Variants in PTGS2 observed in about 807,000 individuals in gnomAD.
The protein encoded by PTGS2 is prostaglandin-endoperoxide synthase 2.
In PTGS2, 14 loss-of-function variants were observed where a neutral mutation model predicts 63.8. That is an observed-to-expected ratio of 0.22 (90% CI 0.14 to 0.34). PTGS2 has a LOEUF of 0.34. PTGS2 is among the 10% of genes least tolerant of loss of function. PTGS2 has a pLI of 1.00. For missense variants in PTGS2, 533 were observed against 738.5 expected, an observed-to-expected ratio of 0.72 and a Z score of 3.23; for synonymous variants, 271 against 259.5, an observed-to-expected ratio of 1.04 and a Z score of -0.43.
intron 3 of PTGS2, 40 bp downstream of exon 3, chr1:186,679,018 T>G: frequency 6.3e-7 from 1 of 1,585,616 alleles, no homozygotes. Context: ...ATATTTTTCT[T>G]TGAGAAGGCT....
At position 186,677,850 on chromosome 1, in the gene PTGS2, A is replaced by G. The variant is rs200719669; in HGVS notation, c.458-20T>C. 2 of 1,611,022 alleles carry G rather than the reference A, an allele frequency of 1.2e-6. No homozygotes were observed. Among genetic ancestry groups the G allele is most frequent in the Non-Finnish European group, 8.5e-7 (1 of 1,178,508 alleles). On this transcript the variant is annotated intron_variant, in intron 4 of 9. Transcript: ENST00000367468. Reference sequence around the variant, plus strand: ...TTTTACCTGAAAAATGAGAAAGCTAAGGTAAGAATCCATCTATGTATTCAA... The same window carrying G: ...TTTTACCTGAAAAATGAGAAAGCTAGGGTAAGAATCCATCTATGTATTCAA...
At chr1:186,674,814 A>G in intron 9 of PTGS2, 52 bp from the exon 10 acceptor site, 1 of 1,515,960 alleles carries the variant, frequency 6.6e-7, no homozygotes, top group Non-Finnish European at 8.9e-7. Context: ...TTCACAAAAT[A>G]AAAAACAGTT....
intron 6 of PTGS2, 41 bp downstream of exon 6, chr1:186,676,792 A>G: frequency 6.2e-7 from 1 of 1,601,966 alleles, no homozygotes; most frequent in South Asian, 1.1e-5. Context: ...ATATGGGTAT[A>G]AGCGGTAATA....
chr1:186,678,153 A>T, intron 4 of PTGS2, 108 bp downstream of exon 4: 1 of 1,198,854 alleles, frequency 8.3e-7, no homozygotes, highest in South Asian at 2.0e-5. Flanking sequence ...AAAAGTAAAA[A>T]CTGCTTTTGT....
At chr1:186,678,963 A>G in intron 3 of PTGS2, 95 bp downstream of exon 3, 1 of 1,415,472 alleles carries the variant, frequency 7.1e-7, no homozygotes, top group Non-Finnish European at 9.5e-7. Flanking sequence ...CTTTTTGATA[A>G]GCTTGGAAAT....
At chr1:186,676,791 T>G in intron 6 of PTGS2, 42 bp downstream of exon 6, 2 of 1,601,510 alleles carry the variant, frequency 1.2e-6, no homozygotes, top group Non-Finnish European at 1.7e-6. Context: ...AATATGGGTA[T>G]AAGCGGTAAT....
At position 186,676,833 on chromosome 1, in the gene PTGS2, C is replaced by A; in HGVS notation, c.723G>T (p.Gln241His). The stretch of plus-strand genomic sequence containing the variant: ...GTCTTAATAGTCAAAGGAAGCATAC[C>A]TGATATTTCATTTTTCCATCCTTGA... ...RLFKDGKMKY[Q>H]IIDGEMYPPT... The change falls in exon 6 of 10, where the codon CAG becomes CAT. Residue 241 changes from glutamine (Q) to histidine (H), a missense_variant and splice_region_variant. By Grantham distance (24) the Gln-to-His change is conservative. Around this residue, in one of 5 missense-constraint regions of PTGS2, gnomAD observed 118 missense variants for 138.7 expected, o/e 0.85. Transcript: ENST00000367468. The A allele has an allele frequency of 6.2e-7, 1 of 1,609,214 alleles. No individual in the cohort carries two copies. The highest frequency in any genetic ancestry group is 8.5e-7 in the Non-Finnish European group (1 of 1,178,186).
chr1:186,676,874 G>A lies in PTGS2; in HGVS notation c.682C>T (p.Arg228Cys), dbSNP rs761122494. The stretch of plus-strand genomic sequence containing the variant: ...CCATCCTTGAAAAGGCGCAGTTTAC[G>A]CTGTCTAGCCAGAGTTTCACCGTAA... ...HIYGETLARQ[R>C]KLRLFKDGKM... The change falls in exon 6 of 10, where the codon CGT becomes TGT. Residue 228 changes from arginine to cysteine, a missense_variant. By Grantham distance (180) the Arg-to-Cys change is radical. Around this residue, in one of 5 missense-constraint regions of PTGS2, gnomAD observed 118 missense variants for 138.7 expected, o/e 0.85. Transcript: ENST00000367468. 112 of 1,609,686 alleles carry A rather than the reference G, an allele frequency of 7.0e-5. No homozygotes were observed. Among genetic ancestry groups the A allele is most frequent in the African/African-American group, 9.4e-5 (7 of 74,788 alleles).
chr1:186,679,628 A>T (rs1314537995), intron 1 of PTGS2, among the ~76,000 whole-genome samples, 190 bp from the exon 2 acceptor site: 2 of 152,232 alleles, frequency 1.3e-5, no homozygotes, highest in African/African-American at 4.8e-5. Flanking sequence ...TATTCTAAAT[A>T]AGGATAACAG....
Position 186,678,419 on chromosome 1 carries a change from G to T in PTGS2, c.314-15C>A. The stretch of plus-strand genomic sequence containing the variant: ...ATGTGATCTGGCTGAAATTTTCAAA[G>T]AAAAAAATGTTTTATTTATTCTCAT... On this transcript the variant is annotated splice_polypyrimidine_tract_variant and intron_variant, in intron 3 of 9. Coordinates refer to ENST00000367468, the MANE Select transcript of PTGS2 (RefSeq NM_000963.4). 6.4e-7 allele frequency: 1 copy of T among 1,566,310 alleles called. No individual in the cohort carries two copies.
At chr1:186,677,868 G>A in intron 4 of PTGS2, 38 bp from the exon 5 acceptor site, 1 of 1,585,192 alleles carries the variant, frequency 6.3e-7, no homozygotes, top group Non-Finnish European at 8.6e-7. Flanking sequence ...ATCCATCTAT[G>A]TATTCAAGAA....
In PTGS2 at chr1:186,680,394, C is replaced by T; in HGVS notation, c.-104G>A. On this transcript the variant is annotated 5_prime_UTR_variant, in exon 1 of 10. Coordinates refer to ENST00000367468, the MANE Select transcript of PTGS2 (RefSeq NM_000963.4). ...TGCTGAGGAGTTCCTGGACGTGCTCCTGACGCTCACTGCAAGTCGTATGAC... is the reference window on the plus strand; with the variant it reads ...TGCTGAGGAGTTCCTGGACGTGCTCTTGACGCTCACTGCAAGTCGTATGAC... The T allele has an allele frequency of 2.7e-6, 2 of 749,400 alleles. No individual in the cohort carries two copies. Among genetic ancestry groups the T allele is most frequent in the African/African-American group, 1.8e-5 (1 of 55,404 alleles). The allele number at this position is 749,400 out of a possible 1,614,324, so 46.4% of individuals were successfully genotyped here.
Position 186,676,709 on chromosome 1 carries a change from A to G in PTGS2, c.728T>C (p.Ile243Thr). 1 of 1,602,744 alleles carries G rather than the reference A, an allele frequency of 6.2e-7. No homozygotes were observed. Among genetic ancestry groups the G allele is most frequent in the Non-Finnish European group, 8.5e-7 (1 of 1,175,700 alleles). ...FKDGKMKYQI[I>T]DGEMYPPTVK... ...TGTGGGAGGATACATCTCTCCATCA[A>G]TTATCTAAAAAAATAAATAAATAAA... Residue 243 changes from isoleucine (I) to threonine (T), a missense_variant, in exon 7 of 10, where the codon ATT (isoleucine) becomes ACT (threonine). Ile to Thr is a moderately conservative substitution (Grantham distance 89, BLOSUM62 -1). Coordinates refer to ENST00000367468, the MANE Select transcript of PTGS2 (RefSeq NM_000963.4).
Position 186,676,015 on chromosome 1 carries a change from G to C in PTGS2, c.1140C>G (p.Thr380=), listed in dbSNP as rs1665772988. The C allele has an allele frequency of 1.2e-6, 2 of 1,614,062 alleles. No homozygotes were observed. Among genetic ancestry groups the C allele is most frequent in the Non-Finnish European group, 1.7e-6 (2 of 1,179,966 alleles). ...LYHWHPLLPD[T]FQIHDQKYNY... is the part of the protein sequence containing the mutation. Reference sequence around the variant, plus strand: ...TGTATTTCTGGTCATGAATTTGAAAGGTGTCAGGCAGAAGGGGATGCCAGT... The same window carrying C: ...TGTATTTCTGGTCATGAATTTGAAACGTGTCAGGCAGAAGGGGATGCCAGT... Residue 380 remains threonine, a synonymous_variant, in exon 8 of 10, where the codon ACC becomes ACG. Transcript: ENST00000367468.
In PTGS2 at chr1:186,674,457, G is replaced by C. The variant is rs772864590; in HGVS notation, c.1711C>G (p.Pro571Ala). ...ATGGTGACTGTTTTAATGAGCTCTG[G>C]ATCTGGAACACTGAATGAAGTAAAG... ...CPFTSFSVPD[P>A]ELIKTVTINA... Residue 571 changes from proline to alanine, a missense_variant, in exon 10 of 10, where the codon CCA becomes GCA. By Grantham distance (27) the Pro-to-Ala change is conservative. Coordinates refer to ENST00000367468, the MANE Select transcript of PTGS2 (RefSeq NM_000963.4). 1.9e-6 allele frequency: 3 copies of C among 1,614,006 alleles called. No homozygotes were observed. The highest frequency in any genetic ancestry group is 3.3e-5 in the Admixed American group (2 of 59,986).
At position 186,679,183 on chromosome 1, in the gene PTGS2, A is replaced by T; in HGVS notation, c.188T>A (p.Ile63Lys). ...TGGAGTGGGTTTCAGAAATAATTTT[A>T]TTCTTGTCAAAAATTCCGCTGCAAG... Reference protein sequence around the residue: ...NCSTPEFLTRIKLFLKPTPNT... With the variant: ...NCSTPEFLTRKKLFLKPTPNT... Residue 63 changes from isoleucine (I) to lysine (K), a missense_variant, in exon 3 of 10, where the codon ATA becomes AAA. Ile to Lys is a moderately radical substitution (Grantham distance 102, BLOSUM62 -3). Around this residue, in one of 5 missense-constraint regions of PTGS2, gnomAD observed 118 missense variants for 144.6 expected, o/e 0.82. Coordinates refer to ENST00000367468, the MANE Select transcript of PTGS2 (RefSeq NM_000963.4). 6.2e-7 allele frequency: 1 copy of T among 1,613,326 alleles called. No homozygotes were observed. Among genetic ancestry groups the T allele is most frequent in the Non-Finnish European group, 8.5e-7 (1 of 1,179,780 alleles).
At chr1:186,679,495 C>A in intron 1 of PTGS2, 57 bp from the exon 2 acceptor site, 1 of 1,265,214 alleles carries the variant, frequency 7.9e-7, no homozygotes, top group Non-Finnish European at 1.1e-6. Context: ...TTAATTTAAA[C>A]ATTTAATTGT....
At chr1:186,677,914 C>A in intron 4 of PTGS2, 84 bp from the exon 5 acceptor site, 1 of 1,293,824 alleles carries the variant, frequency 7.7e-7, no homozygotes, top group Non-Finnish European at 1.1e-6. Flanking sequence ...AAGAATTCTT[C>A]ATTTATATGA....
At chr1:186,678,437 A>T in intron 3 of PTGS2, 33 bp from the exon 4 acceptor site, 1 of 1,553,200 alleles carries the variant, frequency 6.4e-7, no homozygotes, top group South Asian at 1.2e-5. Context: ...TGTTTTATTT[A>T]TTCTCATTTG....
Sources: gnomAD v4.1 joint callset for allele counts (sites outside exome capture counted in the v4.1 genomes callset) on GRCh38, gnomAD v4.1.1 for gene constraint, gnomAD v4.1.1 regional missense constraint, MANE v1.5 for transcripts, NCBI Gene and HGNC (gene_info 2026-07-23, HGNC 2026-07-21) for gene names.